The following HERC2 variants were observed in gnomAD, a reference collection of about 807,000 sequenced individuals.
HERC2 encodes the protein E3 ubiquitin-protein ligase HERC2.
A neutral mutation model predicts 537.7 loss-of-function variants in HERC2; 102 were observed. That is an observed-to-expected ratio of 0.19 (90% CI 0.16 to 0.22). The LOEUF is 0.22. Among genes scored for constraint, HERC2 ranks in the 10% least tolerant of loss-of-function variants. The pLI is 1.00. For missense variants in HERC2, 4,236 were observed against 6,198.2 expected (o/e 0.68, Z 10.63); for synonymous variants, 2,224 against 2,466.2 (o/e 0.90, Z 2.91).
intron 16 of HERC2, among the ~76,000 whole-genome samples, chr15:28,257,885 G>A (rs1427552298): frequency 6.6e-6 from 1 of 151,334 alleles, no homozygotes; most frequent in Non-Finnish European, 1.5e-5. Flanking sequence ...AGGGTTTCAT[G>A]GTGTTAGTCA....
chr15:28,186,528 C>A, intron 56 of HERC2, 49 bp downstream of exon 56: 1 of 1,493,594 alleles, frequency 6.7e-7, no homozygotes, highest in South Asian at 1.2e-5. Flanking sequence ...AGTGAGGATC[C>A]AGGAATGTAG....
At chr15:28,151,607 G>A (rs1383879818) in intron 70 of HERC2, among the ~76,000 whole-genome samples, 1 of 152,172 alleles carries the variant, frequency 6.6e-6, no homozygotes, top group African/African-American at 2.4e-5. Context: ...GACACCTTGT[G>A]TAGACTGCCT....
chr15:28,158,197 A>G (rs1474470264), intron 69 of HERC2, among the ~76,000 whole-genome samples: 1 of 152,152 alleles, frequency 6.6e-6, no homozygotes, highest in African/African-American at 2.4e-5. Flanking sequence ...TGGTGCTGAG[A>G]AGAATGTATA....
chr15:28,272,764 GACATGGTTCTCCGT>G, intron 8 of HERC2, 116 bp downstream of exon 8: 1 of 622,600 alleles, frequency 1.6e-6, no homozygotes, highest in Non-Finnish European at 2.8e-6. Flanking sequence ...AGAGCCCTGG[GACATGGTTCTCCGT>G]ACAGAGTACC....
chr15:28,157,565 G>A (rs1177655413), intron 69 of HERC2, among the ~76,000 whole-genome samples: 1 of 152,164 alleles, frequency 6.6e-6, no homozygotes, highest in Non-Finnish European at 1.5e-5. Context: ...ATGGTAGTTT[G>A]TACTTCTATG....
chr15:28,261,108 C>T, intron 15 of HERC2, 138 bp from the exon 16 acceptor site: 1 of 640,758 alleles, frequency 1.6e-6, no homozygotes, highest in Non-Finnish European at 2.6e-6. Flanking sequence ...TAATATTAAG[C>T]ACAATTCATT....
intron 55 of HERC2, chr15:28,190,703 T>G: frequency 1.9e-6 from 1 of 513,144 alleles, no homozygotes; most frequent in Middle Eastern, 5.2e-4. Context: ...GATGAAAACT[T>G]TTGCTAGGAG....
chr15:28,153,978 T>C (rs1366154559), intron 69 of HERC2, among the ~76,000 whole-genome samples: 1 of 152,208 alleles, frequency 6.6e-6, no homozygotes, highest in Non-Finnish European at 1.5e-5. Flanking sequence ...CTGCCCCTGC[T>C]GACCCAGTAC....
rs370722254 is a variant in HERC2 at position 28,212,623 on chromosome 15, G to A, written c.6787-40C>T. On this transcript the variant is annotated intron_variant, in intron 42 of 92. Transcript: ENST00000261609. ...GAAGCTGTCAGAGTGTGGCCAATAC[G>A]ACTAACAAATGAAACGTTCTGAAAG... 4.5e-4 allele frequency: 717 copies of A among 1,604,892 alleles called. 8 individuals carry two copies. In the South Asian group the frequency reaches 7.3e-3, roughly 16 times the overall value.
chr15:28,211,048 C>T lies in HERC2; in HGVS notation c.7023G>A (p.Gln2341=), dbSNP rs371885632. ...CCTGAACAGCTGGCTGAGACAGGAT[C>T]TGCCGCAGTTTATCCTGGTGGGAGA... ...ALLSHQDKLR[Q]ILSQPAVQET... Residue 2341 remains glutamine, a synonymous_variant, in exon 44 of 93, where the codon CAG becomes CAA. Transcript: ENST00000261609. The T allele has an allele frequency of 2.2e-5, 36 of 1,611,012 alleles. No homozygotes were observed. The highest frequency in any genetic ancestry group is 3.0e-5 in the Non-Finnish European group (35 of 1,179,100).
At chr15:28,286,450 G>A (rs1385030518) in intron 4 of HERC2, among the ~76,000 whole-genome samples, 1 of 152,054 alleles carries the variant, frequency 6.6e-6, no homozygotes, top group Non-Finnish European at 1.5e-5. Flanking sequence ...AATGTAAAGT[G>A]GGTTCAACAG....
chr15:28,183,923 C>G (rs947719353), intron 56 of HERC2, among the ~76,000 whole-genome samples: 1 of 152,148 alleles, frequency 6.6e-6, no homozygotes, highest in African/African-American at 2.4e-5. Context: ...CACAGTAGCT[C>G]ACACCTGTAA....
chr15:28,134,592 T>C (rs1890427144), intron 79 of HERC2, among the ~76,000 whole-genome samples: 1 of 152,218 alleles, frequency 6.6e-6, no homozygotes, highest in Admixed American at 6.5e-5. Flanking sequence ...ACCTAAGCTC[T>C]AGGTTAACAG....
intron 19 of HERC2, 106 bp downstream of exon 19, chr15:28,255,766 G>T: frequency 8.2e-7 from 1 of 1,223,112 alleles, no homozygotes; most frequent in Non-Finnish European, 1.1e-6. Flanking sequence ...ACTTGGATAT[G>T]ATAAAAGTTT....
In HERC2 at chr15:28,138,535, T is replaced by G. The variant is rs375125401; in HGVS notation, c.12016-2843A>C. Among the ~76,000 whole-genome samples, 625 of 152,160 alleles carry G rather than the reference T, an allele frequency of 4.1e-3. 5 individuals are homozygous for G. The highest frequency in any genetic ancestry group is 0.014 in the African/African-American group (586 of 41,538). ...AAACCTGGAAGTCAGCACATTTGTT[T>G]ACAGCATGGTTCACTGAATATTTTA... On this transcript the variant is annotated intron_variant, in intron 78 of 92. Coordinates refer to ENST00000261609, the MANE Select transcript of HERC2 (RefSeq NM_004667.6).
At chr15:28,224,513 A>T (rs1315198225) in intron 35 of HERC2, among the ~76,000 whole-genome samples, 4 of 152,122 alleles carry the variant, frequency 2.6e-5, no homozygotes, top group African/African-American at 9.7e-5. Flanking sequence ...GGCCTGATAC[A>T]TATTTTTGAA....
At chr15:28,218,434 C>CGAG in intron 38 of HERC2, 55 bp downstream of exon 38, 1 of 1,480,464 alleles carries the variant, frequency 6.8e-7, no homozygotes, top group African/African-American at 1.6e-5. Flanking sequence ...CACCCAGACA[C>CGAG]AAGCGTGCGG....
At chr15:28,283,232 T>A (rs2076071535) in intron 4 of HERC2, among the ~76,000 whole-genome samples, 1 of 151,772 alleles carries the variant, frequency 6.6e-6, no homozygotes, top group African/African-American at 2.4e-5. Context: ...CTAAACAGGA[T>A]GAACCCAAAG....
chr15:28,171,908 A>G (rs1347379714), intron 65 of HERC2, among the ~76,000 whole-genome samples: 1 of 152,016 alleles, frequency 6.6e-6, no homozygotes, highest in African/African-American at 2.4e-5. Flanking sequence ...CCCCGTCTCT[A>G]CTAAAAATAC....
Sources: allele counts gnomAD v4.1 joint callset (sites outside exome capture counted in the v4.1 genomes callset), GRCh38; gene constraint gnomAD v4.1.1; transcripts MANE v1.5; gene names NCBI Gene and HGNC (gene_info 2026-07-23, HGNC 2026-07-21).